Variants in CEACAM20 observed in about 807,000 individuals in gnomAD.
CEACAM20 encodes the protein CEA cell adhesion molecule 20.
CEACAM20 carries 50 observed loss-of-function variants against 61.2 expected under a neutral mutation model. The ratio of observed to expected loss-of-function variants is 0.82; its 90% CI spans 0.65 to 1.03. CEACAM20 has a LOEUF of 1.03. Among genes scored for constraint, CEACAM20 ranks in the 50% least tolerant of loss-of-function variants. The pLI is 0.00. For synonymous variants in CEACAM20, 282 were observed against 287.7 expected (o/e 0.98, Z 0.20); for missense variants, 683 against 736.4 (o/e 0.93, Z 0.84).
chr19:44,519,032 A>G (rs1424068628), intron 5 of CEACAM20, among the ~76,000 whole-genome samples: 1 of 152,018 alleles, frequency 6.6e-6, no homozygotes, highest in East Asian at 1.9e-4. Flanking sequence ...CATCCTTGTT[A>G]CACTCTCTCT....
chr19:44,509,385 A>G (rs545251374), intron 11 of CEACAM20, among the ~76,000 whole-genome samples: 1 of 152,130 alleles, frequency 6.6e-6, no homozygotes, highest in African/African-American at 2.4e-5. Flanking sequence ...AAAAGGGGGG[A>G]AATGGAATGC....
chr19:44,522,867 C>T lies in CEACAM20; in HGVS notation c.518G>A (p.Ser173Asn). The change falls in exon 4 of 12, where the codon AGT becomes AAT. Residue 173 changes from serine (S) to asparagine (N), a missense_variant. Ser to Asn is a conservative substitution (Grantham distance 46). Coordinates refer to ENST00000614924, the MANE Select transcript of CEACAM20 (RefSeq NM_001102597.3). ...CTCCATCACCTCAACCACCTCCCCA[C>T]TGGCAACACCAGACTCCAATTTGAT... Reference protein sequence around the residue: ...VEIKLESGVASGEVVEVMEGS... With the variant: ...VEIKLESGVANGEVVEVMEGS... The T allele has an allele frequency of 6.2e-7, 1 of 1,608,884 alleles. No individual in the cohort carries two copies. The highest frequency in any genetic ancestry group is 8.5e-7 in the Non-Finnish European group (1 of 1,177,912).
chr19:44,512,577 T>A (rs1971033586), intron 8 of CEACAM20, among the ~76,000 whole-genome samples: 1 of 152,210 alleles, frequency 6.6e-6, no homozygotes, highest in South Asian at 2.1e-4. Context: ...AGTGTTGTGG[T>A]TGATTCATTC....
chr19:44,520,837 AGTGCGTGC>A (rs370056603), intron 4 of CEACAM20, 85 bp from the exon 5 acceptor site: 68 of 1,293,488 alleles, frequency 5.3e-5, no homozygotes, highest in Non-Finnish European at 6.4e-5. Context: ...TTTTTCCAGG[AGTGCGTGC>A]GTGTGTGTGT....
chr19:44,515,940 A>T (rs1971141682), intron 6 of CEACAM20, among the ~76,000 whole-genome samples: 1 of 152,226 alleles, frequency 6.6e-6, no homozygotes, highest in African/African-American at 2.4e-5. Flanking sequence ...ACACACACAA[A>T]AAAAGGAATA....
chr19:44,508,267 A>C (rs1485989893), intron 11 of CEACAM20, among the ~76,000 whole-genome samples: 4 of 152,232 alleles, frequency 2.6e-5, no homozygotes, highest in Non-Finnish European at 1.5e-5. Context: ...GACAGGGTTG[A>C]GATCACTTGC....
chr19:44,513,141 C>T (rs754406725), intron 7 of CEACAM20, 31 bp downstream of exon 7: 2 of 1,552,322 alleles, frequency 1.3e-6, no homozygotes, highest in Non-Finnish European at 1.8e-6. Flanking sequence ...ACATCCCCAT[C>T]CCCATCCCCC....
chr19:44,514,923 A>G (rs1029580683), intron 6 of CEACAM20, among the ~76,000 whole-genome samples: 7 of 151,960 alleles, frequency 4.6e-5, no homozygotes, highest in African/African-American at 1.7e-4. Context: ...AACCACTGCA[A>G]CCTCGCTGCC....
intron 6 of CEACAM20, among the ~76,000 whole-genome samples, chr19:44,516,416 A>G (rs1295157284): frequency 6.6e-6 from 1 of 152,150 alleles, no homozygotes; most frequent in Non-Finnish European, 1.5e-5. Flanking sequence ...GTGGGAGATA[A>G]TTGAATCATG....
At chr19:44,513,598 G>A (rs1048612734) in intron 6 of CEACAM20, among the ~76,000 whole-genome samples, 2 of 151,766 alleles carry the variant, frequency 1.3e-5, no homozygotes, top group African/African-American at 4.8e-5. Context: ...CCACCATGCA[G>A]GCTGATTTTT....
chr19:44,517,558 G>A (rs137856501), intron 5 of CEACAM20, among the ~76,000 whole-genome samples: 5 of 152,064 alleles, frequency 3.3e-5, no homozygotes, highest in Non-Finnish European at 7.4e-5. Flanking sequence ...TTAGCCGGGC[G>A]TAGTGGCACG....
At chr19:44,520,329 G>A in intron 5 of CEACAM20, 145 bp downstream of exon 5, 2 of 1,074,838 alleles carry the variant, frequency 1.9e-6, no homozygotes, top group Non-Finnish European at 2.6e-6. Context: ...CCTGAGGGCA[G>A]GCACTTGGCC....
At chr19:44,509,003 G>T (rs1352443547) in intron 11 of CEACAM20, among the ~76,000 whole-genome samples, 1 of 152,134 alleles carries the variant, frequency 6.6e-6, no homozygotes, top group East Asian at 1.9e-4. Context: ...TGAAAGATTG[G>T]AAAGGAAAGG....
Position 44,520,550 on chromosome 19 carries a change from G to A in CEACAM20, c.954C>T (p.Asp318=), listed in dbSNP as rs750168265. Residue 318 remains aspartate, a synonymous_variant, in exon 5 of 12, where the codon GAC becomes GAT. Transcript: ENST00000614924. ...AGACCTCACAGGCATAGGGCCCGGT[G>A]TCATTCCGCTGGAGGCCATGGATGA... ...TLIIHGLQRN[D]TGPYACEVWN... The A allele has an allele frequency of 1.9e-6, 3 of 1,614,032 alleles. No individual in the cohort carries two copies. Among genetic ancestry groups the A allele is most frequent in the Non-Finnish European group, 1.7e-6 (2 of 1,179,900 alleles).
intron 1 of CEACAM20, 73 bp from the exon 2 acceptor site, chr19:44,525,317 G>T: frequency 7.0e-7 from 1 of 1,420,096 alleles, no homozygotes; most frequent in Non-Finnish European, 9.4e-7. Flanking sequence ...GTCTTCAGAA[G>T]CACAGGGAGC....
rs1443717831 is a variant in CEACAM20, at chr19:44,520,661, C to T, written c.843G>A (p.Gln281=). ...TTAGGAACCACTGGACATTCACACT[C>T]TGATTGACGGTTTGGCAGGTCAGGT... ...SVDLTCQTVN[Q]SVNVQWFLSG... is the part of the protein sequence containing the mutation. Residue 281 remains glutamine (Q), a synonymous_variant, in exon 5 of 12, where the codon CAG becomes CAA. Transcript: ENST00000614924. 2.5e-6 allele frequency: 4 copies of T among 1,613,934 alleles called. No homozygotes were observed. In the African/African-American group the frequency reaches 4.0e-5, roughly 16 times the overall value.
intron 11 of CEACAM20, among the ~76,000 whole-genome samples, chr19:44,507,862 C>T (rs1168108279): frequency 1.3e-5 from 2 of 152,148 alleles, no homozygotes; most frequent in Non-Finnish European, 1.5e-5. Context: ...CACTACTGCA[C>T]ACAACCTGGG....
chr19:44,518,087 AAAGAAAGAAAGAAAGAAAGG>A (rs1442963452), intron 5 of CEACAM20, among the ~76,000 whole-genome samples: 3 of 102,140 alleles, frequency 2.9e-5, no homozygotes, highest in African/African-American at 1.1e-4. Context: ...AAGAGGAAAG[AAAGAAAGAAAGAAAGAAAGG>A]AAGGAAGGAA....
Position 44,510,584 on chromosome 19 carries a change from GAAA to G in CEACAM20, c.1737+443_1737+445del, listed in dbSNP as rs1970953215. On this transcript the variant is annotated intron_variant, in intron 11 of 11. Transcript: ENST00000614924. ...AGAAAGAAAGAAAGAAAGAAAGAAA[GAAA>G]GAAAGAAAGAAAGAAAGAAAGAAAA... is the stretch of plus-strand genomic sequence containing the variant. 1.9e-3 allele frequency among the ~76,000 whole-genome samples: 92 copies of G among 47,638 alleles called. 3 individuals carry two copies. Among genetic ancestry groups the G allele is most frequent in the African/African-American group, 8.9e-3 (82 of 9,184 alleles). 31.3% of individuals were successfully genotyped at this position (47,638 alleles called of 152,430 possible).
Sources: allele counts gnomAD v4.1 joint callset (sites outside exome capture counted in the v4.1 genomes callset), GRCh38; gene constraint gnomAD v4.1.1; transcripts MANE v1.5; gene names NCBI Gene and HGNC (gene_info 2026-07-23, HGNC 2026-07-21).